Variants in NEB observed in about 807,000 individuals in gnomAD.
NEB encodes nebulin.
In NEB, 512 loss-of-function variants were observed where a neutral mutation model predicts 952.2. The ratio of observed to expected loss-of-function variants is 0.54; its 90% CI spans 0.50 to 0.58. The LOEUF is 0.58. NEB is among the 20% of genes least tolerant of loss of function. The pLI is 0.00. For missense variants in NEB, 8,428 were observed against 9,231.1 expected (o/e 0.91, Z 3.56); for synonymous variants, 2,900 against 3,149.8 (o/e 0.92, Z 2.66).
intron 105 of NEB, among the ~76,000 whole-genome samples, chr2:151,576,605 C>T (rs986320013): frequency 7.3e-6 from 1 of 136,402 alleles, no homozygotes; most frequent in African/African-American, 2.8e-5. Flanking sequence ...AATCTCAGCT[C>T]ACTACAAACT....
chr2:151,694,270 C>A, intron 20 of NEB, 53 bp downstream of exon 20: 1 of 1,465,130 alleles, frequency 6.8e-7, no homozygotes, highest in Non-Finnish European at 9.6e-7. Context: ...TTATATTAAA[C>A]AGCAACTTTG....
At chr2:151,658,247 CTG>C (rs1373467426) in intron 47 of NEB, among the ~76,000 whole-genome samples, 157 bp from the exon 48 acceptor site, 11 of 151,848 alleles carry the variant, frequency 7.2e-5, no homozygotes, top group Non-Finnish European at 2.9e-5. Context: ...AGTAACATAA[CTG>C]TGTTTGAAAA....
chr2:151,675,255 G>T (rs534498474), intron 35 of NEB, 32 bp downstream of exon 35: 1 of 1,440,484 alleles, frequency 6.9e-7, no homozygotes, highest in Non-Finnish European at 9.6e-7. Context: ...TGTCAGGTCC[G>T]AATTTCACAT....
At chr2:151,669,354 T>G (rs2099258299) in intron 38 of NEB, among the ~76,000 whole-genome samples, 1 of 152,178 alleles carries the variant, frequency 6.6e-6, no homozygotes, top group South Asian at 2.1e-4. Context: ...GTAAGTTCTG[T>G]GTTTAAAGAG....
intron 119 of NEB, among the ~76,000 whole-genome samples, 169 bp from the exon 120 acceptor site, chr2:151,562,977 T>C (rs1212666480): frequency 6.7e-6 from 1 of 149,306 alleles, no homozygotes; most frequent in Non-Finnish European, 1.5e-5. Context: ...CTTTATATAC[T>C]TTAATATATT....
rs1307189348 is a variant in NEB, at chr2:151,568,110, T to C, written c.17805A>G (p.Pro5935=). The C allele has an allele frequency of 6.2e-7, 1 of 1,613,738 alleles. No individual in the cohort carries two copies. The highest frequency in any genetic ancestry group is 2.2e-5 in the East Asian group (1 of 44,834). ...TGYILPPDAV[P]FVHAHHCNDV... is the part of the protein sequence containing the mutation. ...CATTGCAGTGATGGGCATGAACAAA[T>C]GGCACAGCATCTGGAGGCAAAATGT... The change falls in exon 113 of 182, where the codon CCA becomes CCG. Residue 5935 remains proline, a synonymous_variant. Transcript: ENST00000397345.
At chr2:151,565,841 A>T in intron 114 of NEB, 21 bp from the exon 115 acceptor site, 1 of 1,528,848 alleles carries the variant, frequency 6.5e-7, no homozygotes. Context: ...GAAGAGAGAT[A>T]TAATGGAGGA....
chr2:151,538,347 A>T (rs531693249), intron 138 of NEB, 103 bp from the exon 139 acceptor site: 11 of 862,902 alleles, frequency 1.3e-5, no homozygotes, highest in South Asian at 9.4e-5. Context: ...TTTTCCCATG[A>T]ATACATTTAG....
At chr2:151,654,916 A>C (rs1298279734) in intron 51 of NEB, among the ~76,000 whole-genome samples, 1 of 152,184 alleles carries the variant, frequency 6.6e-6, no homozygotes, top group Non-Finnish European at 1.5e-5. Flanking sequence ...CAAACTTCAG[A>C]GCTCAAGGGA....
At chr2:151,733,086 T>G in intron 3 of NEB, 35 bp downstream of exon 3, 1 of 1,572,968 alleles carries the variant, frequency 6.4e-7, no homozygotes, top group Non-Finnish European at 8.6e-7. Flanking sequence ...CTACATAAAA[T>G]AGTTTGCTGT....
chr2:151,724,425 A>C, intron 7 of NEB, 61 bp from the exon 8 acceptor site: 1 of 1,290,280 alleles, frequency 7.8e-7, no homozygotes, highest in Non-Finnish European at 1.1e-6. Flanking sequence ...TGAGGATTTA[A>C]ACAACAAAGG....
intron 38 of NEB, among the ~76,000 whole-genome samples, chr2:151,669,992 G>T (rs946355746): frequency 1.1e-4 from 16 of 152,192 alleles, no homozygotes; most frequent in Non-Finnish European, 7.3e-5. Flanking sequence ...ACACAGGGAG[G>T]TGTTAACCGT....
intron 3 of NEB, among the ~76,000 whole-genome samples, chr2:151,731,322 C>T (rs1267126566): frequency 3.9e-5 from 6 of 152,172 alleles, no homozygotes; most frequent in African/African-American, 1.4e-4. Flanking sequence ...GATAGTGCAT[C>T]CTTGCTTCTC....
intron 9 of NEB, among the ~76,000 whole-genome samples, chr2:151,721,661 G>A (rs1312233711): frequency 6.6e-6 from 1 of 152,146 alleles, no homozygotes; most frequent in African/African-American, 2.4e-5. Flanking sequence ...AATTCTAAGA[G>A]GAAAGGATGA....
chr2:151,620,741 T>G (rs986272258), intron 72 of NEB, among the ~76,000 whole-genome samples, 178 bp downstream of exon 72: 4 of 152,168 alleles, frequency 2.6e-5, no homozygotes, highest in Non-Finnish European at 5.9e-5. Flanking sequence ...CACATTCCAG[T>G]CTAGGCTATG....
chr2:151,652,673 G>A (rs2099043937), intron 52 of NEB, among the ~76,000 whole-genome samples: 1 of 152,010 alleles, frequency 6.6e-6, no homozygotes, highest in Non-Finnish European at 1.5e-5. Context: ...TTATAAAATT[G>A]TTTTAATTTT....
chr2:151,505,628 C>T (rs1575425448), intron 164 of NEB, 58 bp from the exon 165 acceptor site: 1 of 1,372,656 alleles, frequency 7.3e-7, no homozygotes, highest in East Asian at 2.3e-5. Context: ...TGTTATTCTT[C>T]CCAACATGTA....
chr2:151,726,797 G>A (rs2099792180), intron 5 of NEB, among the ~76,000 whole-genome samples: 1 of 152,088 alleles, frequency 6.6e-6, no homozygotes, highest in Admixed American at 6.5e-5. Flanking sequence ...GGGCCAAGGT[G>A]GGAGGATCAC....
intron 70 of NEB, 135 bp from the exon 71 acceptor site, chr2:151,625,773 C>T (rs1278883389): frequency 4.0e-6 from 2 of 501,972 alleles, no homozygotes; most frequent in East Asian, 3.0e-5. Flanking sequence ...TTCTTTTCAA[C>T]CTCTTTGATT....
Sources: gnomAD v4.1 joint callset for allele counts (sites outside exome capture counted in the v4.1 genomes callset) on GRCh38, gnomAD v4.1.1 for gene constraint, MANE v1.5 for transcripts, NCBI Gene and HGNC (gene_info 2026-07-23, HGNC 2026-07-21) for gene names.